PLEKHA2: variants seen among roughly 807,000 people sequenced by gnomAD.
The protein encoded by PLEKHA2 is pleckstrin homology domain-containing family A member 2.
PLEKHA2 carries 28 observed loss-of-function variants against 53.2 expected under a neutral mutation model. The ratio of observed to expected loss-of-function variants is 0.53; its 90% CI spans 0.39 to 0.72. The LOEUF is 0.72. Among genes scored for constraint, PLEKHA2 ranks in the 30% least tolerant of loss-of-function variants. The pLI is 0.00. For missense variants in PLEKHA2, 426 were observed against 537.9 expected, an observed-to-expected ratio of 0.79 and a Z score of 2.06; for synonymous variants, 193 against 196.4, an observed-to-expected ratio of 0.98 and a Z score of 0.14.
rs749901840 is a variant in PLEKHA2, at chr8:38,952,663, G to A, written c.661G>A (p.Ala221Thr). 1.9e-6 allele frequency: 3 copies of A among 1,611,082 alleles called. No individual in the cohort carries two copies. Among genetic ancestry groups the A allele is most frequent in the East Asian group, 2.2e-5 (1 of 44,888 alleles). Residue 221 changes from alanine to threonine, a missense_variant, in exon 8 of 12, where the codon GCA (alanine) becomes ACA (threonine). Coordinates refer to ENST00000617275, the MANE Select transcript of PLEKHA2 (RefSeq NM_021623.2). ...VRKSWKRRFF[A>T]LDDFTICYFK... ...GAAGAGCTGGAAACGTCGCTTCTTT[G>A]CACTTGATGACTTTACCATCTGCTA... is the stretch of plus-strand genomic sequence containing the variant.
At chr8:38,902,612 A>G (rs1359448664) in intron 1 of PLEKHA2, among the ~76,000 whole-genome samples, 1 of 152,100 alleles carries the variant, frequency 6.6e-6, no homozygotes, top group African/African-American at 2.4e-5. Context: ...GGTGTTCTTA[A>G]TCTATCTGAC....
intron 10 of PLEKHA2, among the ~76,000 whole-genome samples, chr8:38,964,188 A>G (rs1835091129): frequency 6.6e-6 from 1 of 152,186 alleles, no homozygotes; most frequent in Non-Finnish European, 1.5e-5. Context: ...TTTATCCCCA[A>G]AGATGTGAGT....
In PLEKHA2 at chr8:38,970,030, G is replaced by C; in HGVS notation, c.*247G>C. 1.7e-6 allele frequency: 1 copy of C among 585,570 alleles called. No homozygotes were observed. 36.3% of individuals were successfully genotyped at this position (585,570 alleles called of 1,614,324 possible). A position where few individuals can be genotyped will look rare whatever the true frequency, so the allele number is the denominator to read the frequency against. On this transcript the variant is annotated 3_prime_UTR_variant, in exon 12 of 12. Transcript: ENST00000617275. ...GGGAAGTCACTAGGTTAGAACTGTA[G>C]GCATACTCAGTGGAGAGGAAGCTAC...
At chr8:38,945,439 T>G (rs984762071) in intron 4 of PLEKHA2, among the ~76,000 whole-genome samples, 3 of 152,198 alleles carry the variant, frequency 2.0e-5, no homozygotes, top group Non-Finnish European at 4.4e-5. Flanking sequence ...CCTTGAGCGA[T>G]TCTGTCTCCC....
Position 38,918,684 on chromosome 8 carries a change from C to T in PLEKHA2, c.141+614C>T, listed in dbSNP as rs530313620. Reference sequence around the variant, plus strand: ...ACACCCCCATACACACACACCCCCACGCACACCACACACACCACACACGCA... The same window carrying T: ...ACACCCCCATACACACACACCCCCATGCACACCACACACACCACACACGCA... On this transcript the variant is annotated intron_variant, in intron 2 of 11. Coordinates refer to ENST00000617275, the MANE Select transcript of PLEKHA2 (RefSeq NM_021623.2). 8.5e-4 allele frequency among the ~76,000 whole-genome samples: 126 copies of T among 148,446 alleles called. 1 individual carries two copies. The highest frequency in any genetic ancestry group is 2.9e-3 in the African/African-American group (116 of 40,368).
intron 2 of PLEKHA2, among the ~76,000 whole-genome samples, chr8:38,920,300 G>A (rs938820258): frequency 2.1e-4 from 32 of 152,092 alleles, no homozygotes; most frequent in South Asian, 6.2e-4. Flanking sequence ...ACAGGCACCC[G>A]CCACCACGCC....
chr8:38,958,040 C>T (rs1834973108), intron 10 of PLEKHA2, among the ~76,000 whole-genome samples: 1 of 152,160 alleles, frequency 6.6e-6, no homozygotes, highest in East Asian at 1.9e-4. Context: ...GAAACTGACA[C>T]TTGGCCAGGC....
At chr8:38,902,222 G>GC (rs1448405303) in intron 1 of PLEKHA2, among the ~76,000 whole-genome samples, 11 of 136,880 alleles carry the variant, frequency 8.0e-5, no homozygotes, top group Admixed American at 3.7e-4. Context: ...GAAGGGTGTG[G>GC]GGGGGGGTGG....
intron 3 of PLEKHA2, among the ~76,000 whole-genome samples, chr8:38,939,161 C>T (rs1168528473): frequency 6.6e-6 from 1 of 152,160 alleles, no homozygotes; most frequent in African/African-American, 2.4e-5. Flanking sequence ...GCCTTGGCCT[C>T]CCAAAGTGCT....
rs1454428975 is a variant in PLEKHA2 at position 38,949,901 on chromosome 8, A to AG, written c.346-946dup. On this transcript the variant is annotated intron_variant, in intron 5 of 11. Transcript: ENST00000617275. ...CTCTCAGGTGGTTCGTGAGAGGTGA[A>AG]GGGTTATACCACACATCTTCTGGCT... is the stretch of plus-strand genomic sequence containing the variant. 5.3e-5 allele frequency among the ~76,000 whole-genome samples: 8 copies of AG among 152,284 alleles called. No homozygotes were observed. In the South Asian group the frequency reaches 1.4e-3, roughly 28 times the overall value.
intron 10 of PLEKHA2, among the ~76,000 whole-genome samples, chr8:38,962,513 C>A (rs535566053): frequency 2.6e-5 from 4 of 152,094 alleles, no homozygotes; most frequent in Non-Finnish European, 5.9e-5. Flanking sequence ...CTGGAAATAA[C>A]CAGGTATCTA....
intron 1 of PLEKHA2, among the ~76,000 whole-genome samples, chr8:38,906,213 G>GC (rs1229217761): frequency 6.6e-6 from 1 of 152,234 alleles, no homozygotes; most frequent in Non-Finnish European, 1.5e-5. Flanking sequence ...CTGCACTGGT[G>GC]CCCTCTCTGG....
At chr8:38,950,811 G>A (rs539955929) in intron 5 of PLEKHA2, 39 bp from the exon 6 acceptor site, 6 of 1,595,274 alleles carry the variant, frequency 3.8e-6, no homozygotes, top group South Asian at 1.1e-5. Flanking sequence ...TTTCCTAAAT[G>A]TTCTGTTCCC....
chr8:38,960,754 C>T (rs1227387199), intron 10 of PLEKHA2: 1 of 152,114 alleles, frequency 6.6e-6, no homozygotes, highest in Non-Finnish European at 1.5e-5. Flanking sequence ...ATTTTAATAG[C>T]CTTTTTAGAT....
At chr8:38,948,574 T>C (rs1019932379) in intron 5 of PLEKHA2, among the ~76,000 whole-genome samples, 2 of 152,124 alleles carry the variant, frequency 1.3e-5, no homozygotes, top group African/African-American at 4.8e-5. Context: ...AAACTGAGTG[T>C]GCAGTCCAGG....
At chr8:38,967,515 G>GT (rs945965868) in intron 10 of PLEKHA2, among the ~76,000 whole-genome samples, 2 of 152,082 alleles carry the variant, frequency 1.3e-5, no homozygotes, top group African/African-American at 4.8e-5. Context: ...GTCAGAATCT[G>GT]TTTTTTGTCC....
chr8:38,961,824 TTTAAC>T (rs1386308249), intron 10 of PLEKHA2, among the ~76,000 whole-genome samples: 1 of 74,530 alleles, frequency 1.3e-5, no homozygotes, highest in Non-Finnish European at 2.9e-5. Context: ...ATCTTGGTCG[TTTAAC>T]TGTTTAACTC....
intron 1 of PLEKHA2, among the ~76,000 whole-genome samples, chr8:38,905,107 AACTGAAATCAGC>A: frequency 6.6e-6 from 1 of 152,308 alleles, no homozygotes; most frequent in Admixed American, 6.5e-5. Context: ...TGGGATGGGT[AACTGAAATCAGC>A]ACACCCTTTT....
intron 10 of PLEKHA2, among the ~76,000 whole-genome samples, chr8:38,967,659 G>T (rs1835165570): frequency 6.7e-6 from 1 of 149,742 alleles, no homozygotes; most frequent in Non-Finnish European, 1.5e-5. Flanking sequence ...CATGTCCTTT[G>T]CTCACTTTTT....
Sources: gnomAD v4.1 joint callset for allele counts (sites outside exome capture counted in the v4.1 genomes callset) on GRCh38, gnomAD v4.1.1 for gene constraint, MANE v1.5 for transcripts, NCBI Gene and HGNC (gene_info 2026-07-23, HGNC 2026-07-21) for gene names.